The following ITGA8 variants were observed in gnomAD, a reference collection of about 807,000 sequenced individuals.
ITGA8 encodes the protein integrin subunit alpha 8, also known as integrin alpha-8.
Under a neutral mutation model 142.3 loss-of-function variants are expected in ITGA8, and 91 were observed. The observed-to-expected ratio is 0.64, with a 90% CI of 0.54 to 0.76. The LOEUF is 0.76. ITGA8 is among the 30% of genes least tolerant of loss of function. ITGA8 has a pLI of 0.00. For missense variants in ITGA8, 1,406 were observed against 1,327.7 expected (o/e 1.06, Z -0.92); for synonymous variants, 505 against 485.2 (o/e 1.04, Z -0.54).
chr10:15,597,316 CA>C lies in ITGA8; in HGVS notation c.2119-18del. 1 of 1,604,004 alleles carries C rather than the reference CA, an allele frequency of 6.2e-7. No homozygotes were observed. Among genetic ancestry groups the C allele is most frequent in the Non-Finnish European group, 8.5e-7 (1 of 1,170,754 alleles). On this transcript the variant is annotated intron_variant, in intron 20 of 29. Coordinates refer to ENST00000378076, the MANE Select transcript of ITGA8 (RefSeq NM_003638.3). ...TCGAAATCCCTACAATTGCAAAGAA[CA>C]GGGGGTTTAGGGGGCAGGATAAATG... is the stretch of plus-strand genomic sequence containing the variant.
chr10:15,574,460 G>A (rs1364698286), intron 24 of ITGA8, among the ~76,000 whole-genome samples: 3 of 152,124 alleles, frequency 2.0e-5, no homozygotes, highest in South Asian at 2.1e-4. Context: ...GCACGATCTC[G>A]GCTCACTGCA....
At chr10:15,562,856 A>G (rs528719430) in intron 25 of ITGA8, among the ~76,000 whole-genome samples, 12 of 152,192 alleles carry the variant, frequency 7.9e-5, no homozygotes, top group Middle Eastern at 3.4e-3. Flanking sequence ...GGATGCTGTT[A>G]TGGTTTGGAT....
chr10:15,647,014 C>T lies in ITGA8; in HGVS notation c.1039G>A (p.Glu347Lys). The T allele has an allele frequency of 6.2e-7, 1 of 1,613,808 alleles. No individual in the cohort carries two copies. The highest frequency in any genetic ancestry group is 1.1e-5 in the South Asian group (1 of 91,060). Residue 347 changes from glutamate to lysine, a missense_variant, in exon 12 of 30, where the codon GAA becomes AAA. Coordinates refer to ENST00000378076, the MANE Select transcript of ITGA8 (RefSeq NM_003638.3). ...DVLVGAPLFM[E>K]REFESNPREV... ...CTGGGGTTGCTCTCAAATTCACGTT[C>T]CATAAAGAGAGGTGCCCCAACCAGG...
chr10:15,567,897 A>G (rs1834107728), intron 25 of ITGA8, among the ~76,000 whole-genome samples: 2 of 152,130 alleles, frequency 1.3e-5, no homozygotes, highest in African/African-American at 4.8e-5. Context: ...ATAAACCCTG[A>G]TATGAGGCAA....
intron 20 of ITGA8, among the ~76,000 whole-genome samples, chr10:15,598,316 C>T (rs1419767148): frequency 2.0e-5 from 3 of 152,134 alleles, no homozygotes; most frequent in Admixed American, 6.6e-5. Context: ...CATCTGTCAG[C>T]TCTATTGAAA....
intron 3 of ITGA8, among the ~76,000 whole-genome samples, chr10:15,686,327 T>C (rs911232253): frequency 2.6e-5 from 4 of 152,228 alleles, no homozygotes; most frequent in Non-Finnish European, 5.9e-5. Flanking sequence ...TCTTCTAGGT[T>C]CCCCAAGTTA....
intron 11 of ITGA8, 115 bp downstream of exon 11, chr10:15,655,239 A>G (rs959467466): frequency 1.6e-6 from 1 of 634,154 alleles, no homozygotes; most frequent in Non-Finnish European, 2.7e-6. Flanking sequence ...GTTGAGAACA[A>G]GAGAGCCTCT....
chr10:15,613,693 C>G lies in ITGA8; in HGVS notation c.1520G>C (p.Cys507Ser). ...PMIINLENKT[C>S]QVPDSMTSAA... ...AGATGTCATAGAGTCTGGAACCTGG[C>G]AAGTTTTATTTTCAAGATTGATAAT... Residue 507 changes from cysteine (C) to serine (S), a missense_variant, in exon 15 of 30, where the codon TGC becomes TCC. Cys to Ser is a moderately radical substitution (Grantham distance 112). Transcript: ENST00000378076. The G allele has an allele frequency of 1.2e-6, 2 of 1,614,026 alleles. No homozygotes were observed. Among genetic ancestry groups the G allele is most frequent in the South Asian group, 2.2e-5 (2 of 91,084 alleles).
intron 14 of ITGA8, among the ~76,000 whole-genome samples, chr10:15,616,044 A>C (rs914208259): frequency 6.6e-6 from 1 of 152,232 alleles, no homozygotes; most frequent in African/African-American, 2.4e-5. Context: ...CTTGGAATCC[A>C]TAGCTGTTGT....
rs2131748279 is a variant in ITGA8, at chr10:15,719,744, G to A, written c.28C>T (p.Arg10Trp). 1.5e-6 allele frequency: 2 copies of A among 1,363,020 alleles called. No individual in the cohort carries two copies. The highest frequency in any genetic ancestry group is 9.4e-7 in the Non-Finnish European group (1 of 1,066,120). 84.4% of individuals were successfully genotyped at this position (1,363,020 alleles called of 1,614,324 possible). Residue 10 changes from arginine to tryptophan, a missense_variant, in exon 1 of 30, where the codon CGG becomes TGG. Physicochemically the swap from Arg to Trp is moderately radical, Grantham distance 101. Transcript: ENST00000378076. MSPGASRGP[R>W]GSQAPLIAPL... ...GCGATCAGCGGCGCCTGGCTTCCCCGGGGACCGCGGCTGGCCCCGGGCGAC... is the reference window on the plus strand; with the variant it reads ...GCGATCAGCGGCGCCTGGCTTCCCCAGGGACCGCGGCTGGCCCCGGGCGAC...
intron 6 of ITGA8, among the ~76,000 whole-genome samples, chr10:15,675,133 C>G (rs190624020): frequency 3.3e-5 from 5 of 152,302 alleles, no homozygotes; most frequent in African/African-American, 7.2e-5. Context: ...TACCCATGGA[C>G]TGAGTTATCA....
At chr10:15,715,852 A>C (rs1310551669) in intron 2 of ITGA8, among the ~76,000 whole-genome samples, 1 of 152,206 alleles carries the variant, frequency 6.6e-6, no homozygotes, top group Non-Finnish European at 1.5e-5. Flanking sequence ...CAGTTCCACT[A>C]TCTGAGGGTA....
chr10:15,553,321 G>A (rs79132551), intron 26 of ITGA8, among the ~76,000 whole-genome samples: 2 of 59,426 alleles, frequency 3.4e-5, no homozygotes, highest in Non-Finnish European at 7.8e-5. Flanking sequence ...TTTTTTTTTT[G>A]TCTTCAAAAA....
chr10:15,694,678 CATATATATATAT>C (rs71374639), intron 2 of ITGA8, among the ~76,000 whole-genome samples: 22 of 77,510 alleles, frequency 2.8e-4, no homozygotes, highest in Non-Finnish European at 4.2e-4. Flanking sequence ...TATTTGTCGA[CATATATATATAT>C]ATATATATAT....
intron 13 of ITGA8, among the ~76,000 whole-genome samples, chr10:15,639,696 T>G (rs1464261739): frequency 6.6e-6 from 1 of 152,204 alleles, no homozygotes; most frequent in East Asian, 1.9e-4. Flanking sequence ...TCTAGAGGAC[T>G]CATTCCCAAA....
intron 27 of ITGA8, among the ~76,000 whole-genome samples, chr10:15,535,478 C>T (rs1006909237): frequency 2.0e-5 from 3 of 152,172 alleles, no homozygotes; most frequent in Admixed American, 6.5e-5. Flanking sequence ...GTATGTAGCT[C>T]AAGGTTTGTA....
intron 23 of ITGA8, among the ~76,000 whole-genome samples, chr10:15,582,998 A>G (rs1834441776): frequency 6.6e-6 from 1 of 152,238 alleles, no homozygotes; most frequent in South Asian, 2.1e-4. Context: ...ACTGGAGACA[A>G]TTCAAATGTT....
chr10:15,571,900 G>A (rs1014434381), intron 25 of ITGA8, among the ~76,000 whole-genome samples: 1 of 152,176 alleles, frequency 6.6e-6, no homozygotes, highest in Non-Finnish European at 1.5e-5. Flanking sequence ...TCTCCCAGAT[G>A]TGATATGTCT....
intron 2 of ITGA8, among the ~76,000 whole-genome samples, chr10:15,709,356 C>T (rs1251930712): frequency 6.6e-6 from 1 of 152,218 alleles, no homozygotes; most frequent in Non-Finnish European, 1.5e-5. Context: ...TAAACAGACA[C>T]ACCTTTACAG....
Sources: gnomAD v4.1 joint callset for allele counts (sites outside exome capture counted in the v4.1 genomes callset) on GRCh38, gnomAD v4.1.1 for gene constraint, MANE v1.5 for transcripts, NCBI Gene and HGNC (gene_info 2026-07-23, HGNC 2026-07-21) for gene names.